Variants in LRRC37A2 observed in about 807,000 individuals in gnomAD.
LRRC37A2 encodes the protein leucine-rich repeat-containing protein 37A2.
A neutral mutation model predicts 68.8 loss-of-function variants in LRRC37A2; 9 were observed. That is an observed-to-expected ratio of 0.13 (90% confidence interval 0.08 to 0.23). The LOEUF (loss-of-function observed/expected upper bound fraction) is 0.23, where lower values mean the gene tolerates loss of function less well. Ranked by LOEUF, LRRC37A2 falls within the 10% of genes least tolerant of loss-of-function variation. The pLI, the probability that LRRC37A2 is intolerant of heterozygous loss-of-function variation, is 1.00. For synonymous variants in LRRC37A2, 63 were observed against 367.6 expected, an observed-to-expected ratio of 0.17 and a Z score of 9.48; for missense variants, 168 against 950.4, an observed-to-expected ratio of 0.18 and a Z score of 10.82.
the LRRC37A2 span, among the ~76,000 whole-genome samples, chr17:46,927,935 G>T: frequency 6.6e-6 from 1 of 151,954 alleles, no homozygotes; most frequent in Admixed American, 6.6e-5. Flanking sequence ...TTACCTCACA[G>T]CCTGCGTCAG....
the LRRC37A2 span, among the ~76,000 whole-genome samples, chr17:46,961,409 T>C: frequency 6.6e-6 from 1 of 152,086 alleles, no homozygotes; most frequent in Non-Finnish European, 1.5e-5. Context: ...GTGGTGTGCA[T>C]CTATCGTCCC....
chr17:46,988,794 T>C, the LRRC37A2 span, among the ~76,000 whole-genome samples: 2 of 152,194 alleles, frequency 1.3e-5, no homozygotes, highest in African/African-American at 2.4e-5. Flanking sequence ...GTCATCAGCT[T>C]GTTCACCCAT....
the LRRC37A2 span, among the ~76,000 whole-genome samples, chr17:46,631,219 C>T: frequency 8.8e-5 from 12 of 135,952 alleles, no homozygotes; most frequent in African/African-American, 2.9e-4. Context: ...GATGGAGTCT[C>T]GCTCTGTTGC....
At chr17:46,923,744 G>C in the LRRC37A2 span, 2 of 436,726 alleles carry the variant, frequency 4.6e-6, no homozygotes, top group African/African-American at 2.0e-5. Flanking sequence ...CTTGTTAATC[G>C]TATCTGGTTA....
At chr17:46,817,378 G>C in the LRRC37A2 span, among the ~76,000 whole-genome samples, 212 of 151,992 alleles carry the variant, frequency 1.4e-3, no homozygotes, top group African/African-American at 4.9e-3. Context: ...ACCTCCCCCC[G>C]CCCAGGCCAA....
the LRRC37A2 span, among the ~76,000 whole-genome samples, chr17:46,841,902 G>A: frequency 6.6e-6 from 1 of 152,244 alleles, no homozygotes; most frequent in Non-Finnish European, 1.5e-5. Flanking sequence ...GGTGTGTGGG[G>A]GGGTCTCTGG....
At chr17:46,995,108 G>C in the LRRC37A2 span, among the ~76,000 whole-genome samples, 3 of 152,308 alleles carry the variant, frequency 2.0e-5, no homozygotes, top group South Asian at 6.2e-4. Context: ...GGGTGACAGA[G>C]TGAGACTGTC....
chr17:46,973,462 C>T, the LRRC37A2 span, among the ~76,000 whole-genome samples: 2 of 152,122 alleles, frequency 1.3e-5, no homozygotes, highest in African/African-American at 2.4e-5. Flanking sequence ...CACACCTAGC[C>T]TCTGTTGCTT....
chr17:46,816,117 A>ACACACACACACACACGCACG, the LRRC37A2 span, among the ~76,000 whole-genome samples: 2 of 125,140 alleles, frequency 1.6e-5, no homozygotes, highest in African/African-American at 6.3e-5. Context: ...GCACGTACAC[A>ACACACACACACACACGCACG]CACACACACA....
At chr17:46,940,614 G>T in the LRRC37A2 span, 1 of 1,614,144 alleles carries the variant, frequency 6.2e-7, no homozygotes, top group Non-Finnish European at 8.5e-7. Context: ...GAGCAGCTGA[G>T]CCATTTGTTC....
the LRRC37A2 span, chr17:46,917,174 C>T: frequency 1.3e-5 from 2 of 152,160 alleles, no homozygotes; most frequent in African/African-American, 4.8e-5. Flanking sequence ...CTCAATCCAG[C>T]ATCAACTCAA....
At chr17:46,871,900 T>C in the LRRC37A2 span, among the ~76,000 whole-genome samples, 1 of 152,128 alleles carries the variant, frequency 6.6e-6, no homozygotes, top group Non-Finnish European at 1.5e-5. Context: ...CACCAGGTGG[T>C]CAGATGGTTG....
chr17:46,905,780 T>TTGTGTTTGTGTG, the LRRC37A2 span, among the ~76,000 whole-genome samples: 1 of 117,048 alleles, frequency 8.5e-6, no homozygotes, highest in Admixed American at 8.6e-5. Context: ...CTCTGTGTGT[T>TTGTGTTTGTGTG]TGTGTGTGTG....
chr17:46,545,879 C>T (rs567970783), intron 8 of LRRC37A2, among the ~76,000 whole-genome samples: 1 of 150,292 alleles, frequency 6.7e-6, no homozygotes, highest in African/African-American at 2.5e-5. Flanking sequence ...CCACTCCCAA[C>T]AGGAATTGAG....
chr17:47,008,241 GCTGGGA>G, the LRRC37A2 span, among the ~76,000 whole-genome samples: 3 of 151,506 alleles, frequency 2.0e-5, no homozygotes, highest in Non-Finnish European at 4.4e-5. Flanking sequence ...CTCCCGAGTA[GCTGGGA>G]CTACAGGCAC....
the LRRC37A2 span, among the ~76,000 whole-genome samples, chr17:46,837,388 T>C: frequency 6.6e-6 from 1 of 152,166 alleles, no homozygotes; most frequent in African/African-American, 2.4e-5. Context: ...ATTTGGAGTA[T>C]AAATGGGAGA....
At chr17:46,814,389 G>T in the LRRC37A2 span, among the ~76,000 whole-genome samples, 12 of 152,194 alleles carry the variant, frequency 7.9e-5, no homozygotes, top group African/African-American at 2.9e-4. Flanking sequence ...AATACCAACA[G>T]ATCGGCCACC....
chr17:46,762,316 A>C, the LRRC37A2 span, among the ~76,000 whole-genome samples: 2 of 152,238 alleles, frequency 1.3e-5, no homozygotes, highest in Non-Finnish European at 2.9e-5. Context: ...AGAACAAAAG[A>C]AGCCTTTAAA....
chr17:46,544,622 A>C (rs1366805029), intron 8 of LRRC37A2, among the ~76,000 whole-genome samples: 1 of 59,484 alleles, frequency 1.7e-5, no homozygotes, highest in Non-Finnish European at 2.8e-5. Context: ...AGCAGAGCTG[A>C]GATTGAAGCA....
Sources: gnomAD v4.1 joint callset for allele counts (sites outside exome capture counted in the v4.1 genomes callset) on GRCh38, gnomAD v4.1.1 for gene constraint, MANE v1.5 for transcripts, NCBI Gene and HGNC (gene_info 2026-07-23, HGNC 2026-07-21) for gene names.